The following DOCK1 variants were observed in gnomAD, a reference collection of about 807,000 sequenced individuals.
The protein encoded by DOCK1 is dedicator of cytokinesis 1.
DOCK1 carries 138 observed loss-of-function variants against 262.7 expected under a neutral mutation model. That is an observed-to-expected ratio of 0.53 (90% CI 0.46 to 0.61). The LOEUF (loss-of-function observed/expected upper bound fraction) is 0.61. DOCK1 is among the 20% of genes least tolerant of loss of function. DOCK1 has a pLI of 0.00. For synonymous variants in DOCK1, 866 were observed against 867.4 expected, an observed-to-expected ratio of 1.00 and a Z score of 0.03; for missense variants, 1,908 against 2,370.7, an observed-to-expected ratio of 0.80 and a Z score of 4.05.
intron 22 of DOCK1, 114 bp downstream of exon 22, chr10:127,052,929 T>C: frequency 2.7e-6 from 4 of 1,457,238 alleles, no homozygotes; most frequent in Non-Finnish European, 3.7e-6. Flanking sequence ...TTCCCCCTTT[T>C]TCCCCCTTGC....
chr10:127,069,452 T>C (rs1191559894), intron 23 of DOCK1, among the ~76,000 whole-genome samples: 1 of 152,046 alleles, frequency 6.6e-6, no homozygotes, highest in Non-Finnish European at 1.5e-5. Context: ...TTAAAGAAAT[T>C]TGGGAGTATT....
chr10:127,352,212 G>A (rs2063912178), intron 31 of DOCK1, among the ~76,000 whole-genome samples: 1 of 112,826 alleles, frequency 8.9e-6, no homozygotes, highest in Non-Finnish European at 1.9e-5. Flanking sequence ...CGGGAGAGGT[G>A]GGGAGCATCG....
At chr10:127,406,484 A>G (rs2067522046) in intron 40 of DOCK1, among the ~76,000 whole-genome samples, 1 of 152,188 alleles carries the variant, frequency 6.6e-6, no homozygotes, top group African/African-American at 2.4e-5. Context: ...GCAGCAATAT[A>G]TTTATCACAC....
intron 29 of DOCK1, among the ~76,000 whole-genome samples, chr10:127,333,139 A>G (rs988995610): frequency 6.6e-6 from 1 of 152,318 alleles, no homozygotes; most frequent in Admixed American, 6.5e-5. Flanking sequence ...TAAAAGATAC[A>G]TCGTCTCCAC....
intron 23 of DOCK1, among the ~76,000 whole-genome samples, chr10:127,080,367 G>A (rs553000478): frequency 6.6e-6 from 1 of 152,150 alleles, no homozygotes; most frequent in Non-Finnish European, 1.5e-5. Flanking sequence ...TTCATCTTTT[G>A]GAAATTTATC....
At chr10:127,288,773 T>TCACACACA (rs3221847) in intron 29 of DOCK1, among the ~76,000 whole-genome samples, 124 of 143,506 alleles carry the variant, frequency 8.6e-4, no homozygotes, top group Middle Eastern at 3.6e-3. Context: ...TGTATATATT[T>TCACACACA]CACACACACA....
chr10:127,284,138 TG>T (rs1413787497), intron 29 of DOCK1, among the ~76,000 whole-genome samples: 2 of 152,122 alleles, frequency 1.3e-5, no homozygotes, highest in African/African-American at 4.8e-5. Flanking sequence ...TTACATCCTT[TG>T]CTCATTAATC....
rs907335294 is a variant in DOCK1 at position 126,962,083 on chromosome 10, C to G, written c.47-8619C>G. Among the ~76,000 whole-genome samples, 3 of 152,186 alleles carry G rather than the reference C, an allele frequency of 2.0e-5. No homozygotes were observed. In the South Asian group the frequency reaches 6.2e-4, roughly 32 times the overall value. Reference sequence around the variant, plus strand: ...TGCGCTCTCGGCTCACTGCAACCTCCGCCTCCCGGATTCAATCCATTCCCC... The same window carrying G: ...TGCGCTCTCGGCTCACTGCAACCTCGGCCTCCCGGATTCAATCCATTCCCC... On this transcript the variant is annotated intron_variant, in intron 1 of 51. Transcript: ENST00000623213.
At chr10:127,422,604 T>A (rs1052296542) in intron 46 of DOCK1, among the ~76,000 whole-genome samples, 1 of 152,246 alleles carries the variant, frequency 6.6e-6, no homozygotes, top group African/African-American at 2.4e-5. Context: ...TTTGGAATTA[T>A]GGTTTTGAAC....
At chr10:127,141,042 C>T (rs1036433449) in intron 27 of DOCK1, among the ~76,000 whole-genome samples, 14 of 152,138 alleles carry the variant, frequency 9.2e-5, no homozygotes, top group African/African-American at 2.9e-4. Context: ...CATCTTTGTC[C>T]GGTGCTGCCA....
intron 29 of DOCK1, among the ~76,000 whole-genome samples, chr10:127,273,742 G>A (rs757285014): frequency 5.9e-5 from 9 of 152,050 alleles, no homozygotes; most frequent in South Asian, 2.1e-4. Flanking sequence ...AGTTAGCCGG[G>A]TGCGATGGCA....
At chr10:126,959,147 A>G (rs1591449835) in intron 1 of DOCK1, among the ~76,000 whole-genome samples, 1 of 152,212 alleles carries the variant, frequency 6.6e-6, no homozygotes, top group Non-Finnish European at 1.5e-5. Context: ...TAAGATAAAG[A>G]TTGTGGAGAC....
intron 27 of DOCK1, among the ~76,000 whole-genome samples, chr10:127,245,667 T>C (rs745531757): frequency 1.2e-4 from 18 of 152,224 alleles, no homozygotes; most frequent in Non-Finnish European, 2.2e-4. Flanking sequence ...GAATTCAGTA[T>C]GTCCACGTCA....
At chr10:127,337,218 C>T (rs1384883054) in intron 29 of DOCK1, among the ~76,000 whole-genome samples, 3 of 152,134 alleles carry the variant, frequency 2.0e-5, no homozygotes, top group African/African-American at 7.2e-5. Flanking sequence ...TTTCTGTGAT[C>T]TCTGGGGTTG....
chr10:126,905,762 C>A (rs2030633131), intron 1 of DOCK1, among the ~76,000 whole-genome samples, 199 bp downstream of exon 1: 1 of 150,686 alleles, frequency 6.6e-6, no homozygotes, highest in African/African-American at 2.4e-5. Context: ...TCAGCTCCAG[C>A]CCCGGGGATG....
Position 126,990,463 on chromosome 10 carries a change from C to T in DOCK1, c.333C>T (p.Asn111=). 6.2e-7 allele frequency: 1 copy of T among 1,607,652 alleles called. No individual in the cohort carries two copies. The highest frequency in any genetic ancestry group is 2.2e-5 in the East Asian group (1 of 44,782). The change falls in exon 6 of 52, where the codon AAC becomes AAT. Residue 111 remains asparagine, a synonymous_variant. Coordinates refer to ENST00000623213, the MANE Select transcript of DOCK1 (RefSeq NM_001290223.2). ...GGTTTTTCCCCGTATAGCAAGATAA[C>T]AGGGAGATGTTTCGAAGTGTGCGGC... ...TIWRQLYVQD[N]REMFRSVRHM...
At chr10:126,979,947 T>C (rs2038831581) in intron 3 of DOCK1, among the ~76,000 whole-genome samples, 1 of 152,118 alleles carries the variant, frequency 6.6e-6, no homozygotes, top group Non-Finnish European at 1.5e-5. Context: ...CACTCAGTCA[T>C]TATCCTTCCT....
intron 1 of DOCK1, among the ~76,000 whole-genome samples, chr10:126,963,441 T>G (rs1193508910): frequency 6.6e-6 from 1 of 152,120 alleles, no homozygotes; most frequent in African/African-American, 2.4e-5. Context: ...TGTTATTGCT[T>G]TTATTCAGTT....
chr10:127,241,761 A>T (rs1469961350), intron 27 of DOCK1, among the ~76,000 whole-genome samples: 5 of 152,098 alleles, frequency 3.3e-5, no homozygotes, highest in African/African-American at 9.7e-5. Flanking sequence ...GTTTGACATC[A>T]AACTAAACAG....
Sources: gnomAD v4.1 joint callset for allele counts (sites outside exome capture counted in the v4.1 genomes callset) on GRCh38, gnomAD v4.1.1 for gene constraint, MANE v1.5 for transcripts, NCBI Gene and HGNC (gene_info 2026-07-23, HGNC 2026-07-21) for gene names.